DYNC1H1: variants seen among roughly 807,000 people sequenced by gnomAD.
DYNC1H1 encodes cytoplasmic dynein 1 heavy chain 1.
In DYNC1H1, 51 loss-of-function variants were observed where a neutral mutation model predicts 527.1. The observed-to-expected ratio is 0.10, with a 90% CI of 0.08 to 0.12. DYNC1H1 has a LOEUF of 0.12. DYNC1H1 is among the 10% of genes least tolerant of loss of function. The probability of loss-of-function intolerance (pLI) is 1.00; values close to 1 mark genes in which losing one functional copy is unlikely to be tolerated. For synonymous variants in DYNC1H1, 2,189 were observed against 2,278.8 expected (o/e 0.96, Z 1.12); for missense variants, 2,771 against 5,971.8 (o/e 0.46, Z 17.66).
At chr14:102,000,713 T>G (rs1595608681) in intron 18 of DYNC1H1, 7 of 510,460 alleles carry the variant, frequency 1.4e-5, no homozygotes, top group Non-Finnish European at 2.5e-5. Context: ...TAGCTGGGAT[T>G]ACAGGCATGT....
rs547165738 is a variant in DYNC1H1, at chr14:101,976,266, G to A, written c.344+467G>A. Reference sequence around the variant, plus strand: ...ACACATTAAGAAAACACTCAAGCCCGGCACGGTGGCTCACGCCTGTAATCC... The same window carrying A: ...ACACATTAAGAAAACACTCAAGCCCAGCACGGTGGCTCACGCCTGTAATCC... On this transcript the variant is annotated intron_variant, in intron 2 of 77. Transcript: ENST00000360184. 1.1e-4 allele frequency among the ~76,000 whole-genome samples: 16 copies of A among 150,802 alleles called. No individual in the cohort carries two copies. The South Asian group carries it at 2.6e-3, about 24-fold the overall frequency.
chr14:102,012,018 C>T lies in DYNC1H1; in HGVS notation c.6762C>T (p.Ile2254=), dbSNP rs150603103. The change falls in exon 33 of 78, where the codon ATC becomes ATT. Residue 2254 remains isoleucine, a synonymous_variant. Coordinates refer to ENST00000360184, the MANE Select transcript of DYNC1H1 (RefSeq NM_001376.5). The surrounding 1 kb of genome is among the most constrained non-coding windows in gnomAD (Gnocchi z 4.9). ...GTGTGGAAGGTGTGGCCCATATCAT[C>T]GACCCCAAGGCCATCAGCAAAGACC... The part of the protein sequence containing the change: ...LEGVEGVAHI[I]DPKAISKDHL... 8.7e-5 allele frequency: 140 copies of T among 1,614,094 alleles called. 1 individual carries two copies. In the African/African-American group the frequency reaches 1.7e-3, roughly 20 times the overall value.
At chr14:102,028,448 G>A in intron 48 of DYNC1H1, 1 of 382,586 alleles carries the variant, frequency 2.6e-6, no homozygotes, top group South Asian at 2.1e-5. Context: ...CCAGGAGGCA[G>A]AGGTTATATT....
rs1478840996 is a variant in DYNC1H1, at chr14:101,991,583, T to G, written c.2925T>G (p.Ile975Met). The G allele has an allele frequency of 2.5e-6, 4 of 1,614,238 alleles. No individual in the cohort carries two copies. Among genetic ancestry groups the G allele is most frequent in the Non-Finnish European group, 3.4e-6 (4 of 1,180,042 alleles). The change falls in exon 11 of 78, where the codon ATT becomes ATG. Residue 975 changes from isoleucine to methionine, a missense_variant. By Grantham distance (10) the Ile-to-Met change is conservative. Transcript: ENST00000360184. Reference sequence around the variant, plus strand: ...AGGTAATCTACTTGAATCCACCAATTGAAGAGTGCAGATACAAGCTGTATC... The same window carrying G: ...AGGTAATCTACTTGAATCCACCAATGGAAGAGTGCAGATACAAGCTGTATC... ...TNQVIYLNPP[I>M]EECRYKLYQE...
chr14:102,045,302 C>CA (rs34968643), intron 72 of DYNC1H1: 3,193 of 87,560 alleles, frequency 0.036, 74 homozygotes, highest in African/African-American at 0.089. Flanking sequence ...GACTCTGTCT[C>CA]AAAAAAAAAA....
chr14:102,008,144 G>C (rs749837763), intron 28 of DYNC1H1, 34 bp from the exon 29 acceptor site: 2 of 1,612,406 alleles, frequency 1.2e-6, no homozygotes, highest in Non-Finnish European at 1.7e-6. Context: ...GGCACAGCAG[G>C]TGGTTTTAGC....
chr14:102,027,858 G>C lies in DYNC1H1; in HGVS notation c.9263+25G>C. The C allele has an allele frequency of 6.2e-7, 1 of 1,614,180 alleles. No individual in the cohort carries two copies. Among genetic ancestry groups the C allele is most frequent in the East Asian group, 2.2e-5 (1 of 44,886 alleles). On this transcript the variant is annotated intron_variant, in intron 47 of 77. Coordinates refer to ENST00000360184, the MANE Select transcript of DYNC1H1 (RefSeq NM_001376.5). This position sits in a 1 kb window ranked among gnomAD's most constrained non-coding sequence, Gnocchi z 7.7. Reference sequence around the variant, plus strand: ...GGTACGTGGGCCTTTACTTGGCTCTGGGTCAGGAAAGTCGGTGTCCTTCCA... The same window carrying C: ...GGTACGTGGGCCTTTACTTGGCTCTCGGTCAGGAAAGTCGGTGTCCTTCCA...
Position 102,042,692 on chromosome 14 carries a change from G to A in DYNC1H1, c.12457G>A (p.Val4153Met), listed in dbSNP as rs2048667081. The change falls in exon 69 of 78, where the codon GTG becomes ATG. Residue 4153 changes from valine (V) to methionine (M), a missense_variant. Val to Met is a conservative substitution (Grantham distance 21). Transcript: ENST00000360184. This position sits in a 1 kb window ranked among gnomAD's most constrained non-coding sequence, Gnocchi z 5.7. Reference protein sequence around the residue: ...RIFVFEPPPGVKANMLRTFSS... With the variant: ...RIFVFEPPPGMKANMLRTFSS... Reference sequence around the variant, plus strand: ...CTTTGTGTTCGAGCCACCGCCAGGGGTGAAGGCCAACATGCTGAGGACGTT... The same window carrying A: ...CTTTGTGTTCGAGCCACCGCCAGGGATGAAGGCCAACATGCTGAGGACGTT... 1 of 1,614,226 alleles carries A rather than the reference G, an allele frequency of 6.2e-7. No homozygotes were observed. The highest frequency in any genetic ancestry group is 1.3e-5 in the African/African-American group (1 of 75,058).
In DYNC1H1 at chr14:102,029,456, C is replaced by G. The variant is rs2048485946; in HGVS notation, c.9469-83C>G. The G allele has an allele frequency of 6.3e-7, 1 of 1,586,536 alleles. No individual in the cohort carries two copies. Among genetic ancestry groups the G allele is most frequent in the Non-Finnish European group, 8.6e-7 (1 of 1,160,966 alleles). On this transcript the variant is annotated intron_variant, in intron 48 of 77. Coordinates refer to ENST00000360184, the MANE Select transcript of DYNC1H1 (RefSeq NM_001376.5). This position sits in a 1 kb window ranked among gnomAD's most constrained non-coding sequence, Gnocchi z 5.3. ...CAGGCTCCTTCTATCATGTCACACCCATCTGCCAAGGCCAAAATTGTTTTC... is the reference window on the plus strand; with the variant it reads ...CAGGCTCCTTCTATCATGTCACACCGATCTGCCAAGGCCAAAATTGTTTTC...
Position 102,017,821 on chromosome 14 carries a change from T to G in DYNC1H1, c.8177+317T>G. 1 of 344,540 alleles carries G rather than the reference T, an allele frequency of 2.9e-6. No individual in the cohort carries two copies. Among genetic ancestry groups the G allele is most frequent in the South Asian group, 2.4e-5 (1 of 42,288 alleles). The allele number at this position is 344,540 out of a possible 1,614,324, so 21.3% of individuals were successfully genotyped here. ...CTCTACTGAAAATACAAAAACAAAA[T>G]TAAGGCCGGGCGTGGTGGCTTACGC... On this transcript the variant is annotated intron_variant, in intron 40 of 77. Transcript: ENST00000360184. This position sits in a 1 kb window ranked among gnomAD's most constrained non-coding sequence, Gnocchi z 4.6.
In DYNC1H1 at chr14:102,005,240, A is replaced by G. The variant is rs558658822; in HGVS notation, c.5433+4A>G. 7.4e-6 allele frequency: 12 copies of G among 1,614,180 alleles called. No homozygotes were observed. In the East Asian group the frequency reaches 2.5e-4, roughly 33 times the overall value. On this transcript the variant is annotated splice_donor_region_variant and intron_variant, in intron 26 of 77. Transcript: ENST00000360184. This position sits in a 1 kb window ranked among gnomAD's most constrained non-coding sequence, Gnocchi z 4.0. Reference sequence around the variant, plus strand: ...AAGGCGGAAGCTAGAACACTTGGTTAGTCTCACACCTGACTCCTTCCTTAC... The same window carrying G: ...AAGGCGGAAGCTAGAACACTTGGTTGGTCTCACACCTGACTCCTTCCTTAC...
At chr14:102,003,050 C>T in intron 23 of DYNC1H1, 85 bp downstream of exon 23, 12 of 1,572,418 alleles carry the variant, frequency 7.6e-6, no homozygotes, top group Non-Finnish European at 1.0e-5. Context: ...CCTTCTGGGC[C>T]TGTGTTTGTT....
Position 101,988,706 on chromosome 14 carries a change from G to C in DYNC1H1, c.2722G>C (p.Glu908Gln). 2 of 1,614,126 alleles carry C rather than the reference G, an allele frequency of 1.2e-6. No homozygotes were observed. Among genetic ancestry groups the C allele is most frequent in the Non-Finnish European group, 1.7e-6 (2 of 1,180,032 alleles). The change falls in exon 10 of 78, where the codon GAA becomes CAA. Residue 908 changes from glutamate (E) to glutamine (Q), a missense_variant. Physicochemically the swap from Glu to Gln is conservative, Grantham distance 29. This residue lies in a region of DYNC1H1 where 179 missense variants were observed against 349.4 expected (regional missense o/e 0.51). Transcript: ENST00000360184. ...IWVNKLDMEI[E>Q]RILGVRLQAG... ...TCTGATATAACGTTGTCTGTAGATT[G>C]AAAGAATATTGGGCGTCCGTCTGCA...
chr14:102,050,138 C>T lies in DYNC1H1; in HGVS notation c.13752C>T (p.Ala4584=), dbSNP rs1025961018. 49 of 1,614,150 alleles carry T rather than the reference C, an allele frequency of 3.0e-5. No individual in the cohort carries two copies. Among genetic ancestry groups the T allele is most frequent in the Non-Finnish European group, 4.1e-5 (48 of 1,180,030 alleles). The part of the protein sequence containing the change: ...KLSLSNAIST[A]LPLTQLRWVK... ...CACTGTCCAATGCCATCTCAACCGC[C>T]CTTCCCCTGACGCAGCTGCGCTGGG... The change falls in exon 77 of 78, where the codon GCC becomes GCT. Residue 4584 remains alanine (A), a synonymous_variant. Transcript: ENST00000360184.
rs763561186 is a variant in DYNC1H1, at chr14:101,964,904, C to T, written c.213C>T (p.Asp71=). The change falls in exon 1 of 78, where the codon GAC becomes GAT. Residue 71 remains aspartate, a synonymous_variant. Transcript: ENST00000360184. The surrounding 1 kb of genome is among the most constrained non-coding windows in gnomAD (Gnocchi z 5.5). The part of the protein sequence containing the change: ...ALEQMRKFLS[D]PQVHTVLVER... ...AGCAGATGCGCAAGTTCCTTTCGGA[C>T]CCGCAGGTCCACACGGTGCTGGTGG... 26 of 1,600,418 alleles carry T rather than the reference C, an allele frequency of 1.6e-5. No homozygotes were observed. The highest frequency in any genetic ancestry group is 2.0e-5 in the Non-Finnish European group (24 of 1,174,714).
chr14:102,015,965 G>C lies in DYNC1H1; in HGVS notation c.7352G>C (p.Arg2451Pro). 6.2e-7 allele frequency: 1 copy of C among 1,614,082 alleles called. No homozygotes were observed. The highest frequency in any genetic ancestry group is 8.5e-7 in the Non-Finnish European group (1 of 1,180,034). Reference protein sequence around the residue: ...FQLEHIMDLTRLRCLGSLFSM... With the variant: ...FQLEHIMDLTPLRCLGSLFSM... Reference sequence around the variant, plus strand: ...CTGGAGCACATCATGGACCTAACACGCCTGCGCTGCCTGGGCTCGCTCTTC... The same window carrying C: ...CTGGAGCACATCATGGACCTAACACCCCTGCGCTGCCTGGGCTCGCTCTTC... The change falls in exon 36 of 78, where the codon CGC (arginine) becomes CCC (proline). Residue 2451 changes from arginine (R) to proline (P), a missense_variant. Transcript: ENST00000360184. The surrounding 1 kb of genome is among the most constrained non-coding windows in gnomAD (Gnocchi z 6.9).
At chr14:102,006,603 T>C (rs1044929106) in intron 27 of DYNC1H1, among the ~76,000 whole-genome samples, 2 of 151,104 alleles carry the variant, frequency 1.3e-5, no homozygotes, top group African/African-American at 4.9e-5. Context: ...ATTACTACTT[T>C]GATTTTTTTT....
chr14:101,996,045 CAG>C (rs1734230625), intron 15 of DYNC1H1, among the ~76,000 whole-genome samples: 3 of 151,860 alleles, frequency 2.0e-5, no homozygotes, highest in Admixed American at 2.0e-4. Flanking sequence ...GCCTGGGTGA[CAG>C]AGCAAGACTC....
chr14:102,016,569 C>A lies in DYNC1H1; in HGVS notation c.7614+80C>A, dbSNP rs2048325205. ...ATCCTGGAACAAGCTGACCATGGACCTTGGCTTCGTCTTTTCATTTTATTC... is the reference window on the plus strand; with the variant it reads ...ATCCTGGAACAAGCTGACCATGGACATTGGCTTCGTCTTTTCATTTTATTC... On this transcript the variant is annotated intron_variant, in intron 37 of 77. Transcript: ENST00000360184. The surrounding 1 kb of genome is among the most constrained non-coding windows in gnomAD (Gnocchi z 7.3). The A allele has an allele frequency of 6.2e-7, 1 of 1,611,550 alleles. No individual in the cohort carries two copies. Among genetic ancestry groups the A allele is most frequent in the Non-Finnish European group, 8.5e-7 (1 of 1,178,146 alleles).
Sources: allele counts gnomAD v4.1 joint callset (sites outside exome capture counted in the v4.1 genomes callset), GRCh38; gene constraint gnomAD v4.1.1; regional missense constraint gnomAD v4.1.1; non-coding constraint Gnocchi (gnomAD v3.1); transcripts MANE v1.5; gene names NCBI Gene and HGNC (gene_info 2026-07-23, HGNC 2026-07-21).